STXBP5: variants seen among roughly 807,000 people sequenced by gnomAD.
STXBP5 encodes syntaxin binding protein 5, also known as syntaxin-binding protein 5.
In STXBP5, 50 loss-of-function variants were observed where a neutral mutation model predicts 152.4. The observed-to-expected ratio is 0.33, with a 90% CI of 0.26 to 0.42. The LOEUF (loss-of-function observed/expected upper bound fraction) is 0.42. STXBP5 is among the 10% of genes least tolerant of loss of function. The pLI, the probability that STXBP5 is intolerant of heterozygous loss-of-function variation, is 1.00. For synonymous variants in STXBP5, 492 were observed against 494.7 expected (o/e 0.99, Z 0.07); for missense variants, 1,167 against 1,388.6 (o/e 0.84, Z 2.54).
At chr6:147,215,608 G>A (rs1005507439) in intron 2 of STXBP5, among the ~76,000 whole-genome samples, 4 of 152,038 alleles carry the variant, frequency 2.6e-5, no homozygotes, top group Admixed American at 6.6e-5. Context: ...TCTCGAACTC[G>A]TGAGCTCAAA....
intron 13 of STXBP5, 123 bp from the exon 14 acceptor site, chr6:147,314,473 G>T: frequency 7.7e-7 from 1 of 1,306,946 alleles, no homozygotes. Context: ...TTAAGAACCT[G>T]CCAGTTTACC....
In STXBP5 at chr6:147,267,410, C is replaced by A. The variant is rs539357096; in HGVS notation, c.714+243C>A. On this transcript the variant is annotated intron_variant, in intron 7 of 27. Transcript: ENST00000321680. The stretch of plus-strand genomic sequence containing the variant: ...TGTTACCAGTTTCTCTCATGTTCTT[C>A]CAAAGAGACACTGTGCATTTACAAG... Among the ~76,000 whole-genome samples the A allele has an allele frequency of 2.6e-5, 4 of 152,204 alleles. 1 individual carries two copies. The highest frequency in any genetic ancestry group is 4.4e-5 in the Non-Finnish European group (3 of 67,986).
intron 26 of STXBP5, among the ~76,000 whole-genome samples, chr6:147,381,229 A>G (rs190251058): frequency 5.9e-5 from 9 of 152,274 alleles, no homozygotes; most frequent in East Asian, 1.9e-4. Flanking sequence ...ATCAACCTCA[A>G]TAGATATTTA....
At chr6:147,346,969 C>G (rs1481788363) in intron 21 of STXBP5, among the ~76,000 whole-genome samples, 1 of 152,152 alleles carries the variant, frequency 6.6e-6, no homozygotes, top group African/African-American at 2.4e-5. Flanking sequence ...AGAGCACGTT[C>G]CCGTTGCAGC....
chr6:147,251,629 G>A (rs998615617), intron 4 of STXBP5, among the ~76,000 whole-genome samples: 2 of 152,206 alleles, frequency 1.3e-5, no homozygotes, highest in Admixed American at 6.5e-5. Context: ...CCCTGCGACA[G>A]AGCACTTGGA....
At chr6:147,213,477 T>TGTGTGTGTGTGTGCGCGC in intron 2 of STXBP5, among the ~76,000 whole-genome samples, 42 of 131,318 alleles carry the variant, frequency 3.2e-4, no homozygotes, top group African/African-American at 7.0e-4. Context: ...TGTGTGTGTG[T>TGTGTGTGTGTGTGCGCGC]GCGCGCGCAT....
chr6:147,277,732 GA>G (rs1780514740), intron 7 of STXBP5, among the ~76,000 whole-genome samples: 1 of 152,132 alleles, frequency 6.6e-6, no homozygotes, highest in South Asian at 2.1e-4. Context: ...TTTCTATTGG[GA>G]CACTGGTTGT....
chr6:147,289,236 C>T (rs950865568), intron 8 of STXBP5, among the ~76,000 whole-genome samples: 1 of 152,198 alleles, frequency 6.6e-6, no homozygotes, highest in Non-Finnish European at 1.5e-5. Flanking sequence ...TCTCCTGCCC[C>T]ACTCATGCCT....
intron 25 of STXBP5, among the ~76,000 whole-genome samples, chr6:147,373,111 C>T (rs1785636496): frequency 6.6e-6 from 1 of 151,950 alleles, no homozygotes; most frequent in Admixed American, 6.6e-5. Context: ...TGGCTCATGC[C>T]TGTACAGCAC....
Position 147,211,997 on chromosome 6 carries a change from C to T in STXBP5, c.248+5929C>T, listed in dbSNP as rs143513441. Among the ~76,000 whole-genome samples, 349 of 152,316 alleles carry T rather than the reference C, an allele frequency of 2.3e-3. 1 individual carries two copies. The highest frequency in any genetic ancestry group is 8.0e-3 in the African/African-American group (333 of 41,570). ...GGAGAAACAAGGAGCTTGAAATACT[C>T]AGCTCATATCTCAACTGTTAGCTCC... On this transcript the variant is annotated intron_variant, in intron 2 of 27. Transcript: ENST00000321680.
At chr6:147,295,884 G>A (rs1337852660) in intron 9 of STXBP5, among the ~76,000 whole-genome samples, 1 of 152,166 alleles carries the variant, frequency 6.6e-6, no homozygotes, top group African/African-American at 2.4e-5. Context: ...ATTGGAGCCA[G>A]TGCTTGAGTG....
Position 147,370,015 on chromosome 6 carries a change from C to T in STXBP5, c.3082-3716C>T, listed in dbSNP as rs182700534. On this transcript the variant is annotated intron_variant, in intron 25 of 27. Transcript: ENST00000321680. ...CTGGAAACCACCCAGATGTCCTCAACAGATGAGTGGAAAAACAAATTGCAG... is the reference window on the plus strand; with the variant it reads ...CTGGAAACCACCCAGATGTCCTCAATAGATGAGTGGAAAAACAAATTGCAG... 1.3e-3 allele frequency among the ~76,000 whole-genome samples: 199 copies of T among 151,964 alleles called. 3 individuals carry two copies. Among genetic ancestry groups the T allele is most frequent in the African/African-American group, 4.5e-3 (188 of 41,492 alleles).
chr6:147,377,703 G>A (rs1785876547), intron 26 of STXBP5, among the ~76,000 whole-genome samples: 5 of 152,050 alleles, frequency 3.3e-5, no homozygotes, highest in African/African-American at 7.2e-5. Flanking sequence ...CCACTGATGA[G>A]GACAATACCC....
At chr6:147,334,973 T>C (rs1178578024) in intron 19 of STXBP5, among the ~76,000 whole-genome samples, 2 of 152,274 alleles carry the variant, frequency 1.3e-5, no homozygotes, top group East Asian at 1.9e-4. Flanking sequence ...ATGGGAAATA[T>C]TGAGAAGGGT....
At chr6:147,290,988 T>G in intron 8 of STXBP5, 106 bp from the exon 9 acceptor site, 1 of 797,266 alleles carries the variant, frequency 1.3e-6, no homozygotes, top group Non-Finnish European at 1.9e-6. Flanking sequence ...TTTAAAATGT[T>G]TCATGGTGGA....
chr6:147,276,333 T>C (rs1347455600), intron 7 of STXBP5, among the ~76,000 whole-genome samples: 1 of 152,184 alleles, frequency 6.6e-6, no homozygotes, highest in African/African-American at 2.4e-5. Flanking sequence ...GTGTTTTCTG[T>C]TATTTGTTTC....
chr6:147,320,877 G>C (rs924636802), intron 16 of STXBP5, among the ~76,000 whole-genome samples: 2 of 152,010 alleles, frequency 1.3e-5, no homozygotes, highest in African/African-American at 4.8e-5. Flanking sequence ...AAGAATGCAT[G>C]GGAAGATTGT....
chr6:147,357,076 A>G (rs1784848159), intron 22 of STXBP5, among the ~76,000 whole-genome samples: 1 of 152,142 alleles, frequency 6.6e-6, no homozygotes, highest in African/African-American at 2.4e-5. Context: ...CTTTCAAGAT[A>G]CTTGCAGTCA....
At chr6:147,342,247 A>G (rs1784125889) in intron 21 of STXBP5, among the ~76,000 whole-genome samples, 1 of 152,162 alleles carries the variant, frequency 6.6e-6, no homozygotes, top group Admixed American at 6.5e-5. Flanking sequence ...AGTATAATAT[A>G]GTGTCTGGAA....
Sources: gnomAD v4.1 joint callset for allele counts (sites outside exome capture counted in the v4.1 genomes callset) on GRCh38, gnomAD v4.1.1 for gene constraint, MANE v1.5 for transcripts, NCBI Gene and HGNC (gene_info 2026-07-23, HGNC 2026-07-21) for gene names.